The following PPA2 variants were observed in gnomAD, a reference collection of about 807,000 sequenced individuals.
PPA2 encodes the protein inorganic pyrophosphatase 2.
PPA2 carries 48 observed loss-of-function variants against 49.5 expected under a neutral mutation model. The ratio of observed to expected loss-of-function variants is 0.97; its 90% CI spans 0.77 to 1.23. The LOEUF (loss-of-function observed/expected upper bound fraction) is 1.23. Ranked by LOEUF, PPA2 falls within the 50% of genes most tolerant of loss-of-function variation. The pLI is 0.00. For synonymous variants in PPA2, 131 were observed against 139.9 expected (o/e 0.94, Z 0.45); for missense variants, 429 against 410.1 (o/e 1.05, Z -0.40).
chr4:105,394,373 C>CAAAAAAAAAAAAAAAAAAAA (rs34736301), intron 9 of PPA2, among the ~76,000 whole-genome samples: 2 of 96,906 alleles, frequency 2.1e-5, no homozygotes, highest in African/African-American at 4.1e-5. Context: ...GATTCCATTT[C>CAAAAAAAAAAAAAAAAAAAA]AAAAAAAAAA....
At chr4:105,396,427 G>A in intron 8 of PPA2, 93 bp from the exon 9 acceptor site, 1 of 851,444 alleles carries the variant, frequency 1.2e-6, no homozygotes, top group South Asian at 2.2e-5. Context: ...ACAGTTAATT[G>A]TTAAGAGCAT....
chr4:105,448,049 A>G lies in PPA2; in HGVS notation c.321+1301T>C, dbSNP rs550938876. 1.4e-3 allele frequency: 563 copies of G among 397,832 alleles called. 14 individuals are homozygous for G. The highest frequency in any genetic ancestry group is 0.01 in the South Asian group (536 of 53,234). The allele number at this position is 397,832 out of a possible 1,614,324, so 24.6% of individuals were successfully genotyped here. A position where few individuals can be genotyped will look rare whatever the true frequency, so the allele number is the denominator to read the frequency against. On this transcript the variant is annotated intron_variant, in intron 4 of 11. Transcript: ENST00000341695. ...GTGTTAGCCACTGCACTCGGCCTCA[A>G]AGTTAGTTTTCTATCATGTATATTC...
intron 1 of PPA2, among the ~76,000 whole-genome samples, chr4:105,468,327 T>C (rs1377587597): frequency 6.6e-6 from 1 of 152,020 alleles, no homozygotes; most frequent in Non-Finnish European, 1.5e-5. Flanking sequence ...AGTTCGGAAA[T>C]ATGACAAAGG....
chr4:105,469,366 TTCTC>T (rs2110334309), intron 1 of PPA2, among the ~76,000 whole-genome samples: 1 of 152,338 alleles, frequency 6.6e-6, no homozygotes, highest in African/African-American at 2.4e-5. Context: ...ATGTGATTCT[TTCTC>T]TCACAAGAGC....
At chr4:105,449,945 C>G (rs1325124274) in intron 3 of PPA2, among the ~76,000 whole-genome samples, 1 of 152,140 alleles carries the variant, frequency 6.6e-6, no homozygotes, top group African/African-American at 2.4e-5. Flanking sequence ...ACAGCTATTA[C>G]AGAGTTCACA....
At chr4:105,447,792 G>C (rs1722468589) in intron 4 of PPA2, among the ~76,000 whole-genome samples, 1 of 149,494 alleles carries the variant, frequency 6.7e-6, no homozygotes, top group Non-Finnish European at 1.5e-5. Flanking sequence ...GGAGTGCAGT[G>C]GTGTGATCTC....
At chr4:105,405,775 A>G in intron 7 of PPA2, 1 of 567,454 alleles carries the variant, frequency 1.8e-6, no homozygotes, top group Non-Finnish European at 3.0e-6. Context: ...CAAGATAAGT[A>G]ACTTTGTAGA....
intron 1 of PPA2, among the ~76,000 whole-genome samples, chr4:105,461,884 CT>C (rs1207779026): frequency 2.0e-5 from 3 of 152,200 alleles, no homozygotes; most frequent in Non-Finnish European, 4.4e-5. Flanking sequence ...TCATCATCAC[CT>C]AGTAAGTTTA....
chr4:105,381,395 T>C (rs1210332645), intron 10 of PPA2, among the ~76,000 whole-genome samples: 1 of 152,054 alleles, frequency 6.6e-6, no homozygotes, highest in African/African-American at 2.4e-5. Context: ...AATTTATTAA[T>C]CCTTTCTAGG....
At chr4:105,417,303 G>A (rs1308922997) in intron 7 of PPA2, among the ~76,000 whole-genome samples, 1 of 151,918 alleles carries the variant, frequency 6.6e-6, no homozygotes, top group East Asian at 1.9e-4. Flanking sequence ...GATAATTTAG[G>A]TCTTTTTACT....
At chr4:105,395,584 T>C (rs1734106731) in intron 9 of PPA2, among the ~76,000 whole-genome samples, 3 of 152,174 alleles carry the variant, frequency 2.0e-5, no homozygotes, top group South Asian at 4.1e-4. Context: ...TAAACAATAC[T>C]GAGGCCCTAA....
At chr4:105,409,830 G>A (rs1722668651) in intron 7 of PPA2, among the ~76,000 whole-genome samples, 1 of 152,226 alleles carries the variant, frequency 6.6e-6, no homozygotes, top group Non-Finnish European at 1.5e-5. Flanking sequence ...GGGCCTGTTA[G>A]AAGGAAAACT....
chr4:105,422,553 T>C (rs1723299394), intron 7 of PPA2, among the ~76,000 whole-genome samples: 1 of 151,920 alleles, frequency 6.6e-6, no homozygotes, highest in South Asian at 2.1e-4. Context: ...GTTACAAATA[T>C]ATAAATTACT....
chr4:105,429,747 G>A (rs1723710482), intron 6 of PPA2, among the ~76,000 whole-genome samples: 1 of 152,050 alleles, frequency 6.6e-6, no homozygotes, highest in South Asian at 2.1e-4. Flanking sequence ...CTGCTTGAGG[G>A]GAAAAGAGAC....
chr4:105,404,646 G>A (rs1722377192), intron 7 of PPA2, among the ~76,000 whole-genome samples: 1 of 152,138 alleles, frequency 6.6e-6, no homozygotes, highest in Non-Finnish European at 1.5e-5. Context: ...TAAATAATGG[G>A]TGAAAATCAC....
rs181747127 is a variant in PPA2, at chr4:105,470,787, G to A, written c.157+3107C>T. 1.3e-3 allele frequency among the ~76,000 whole-genome samples: 202 copies of A among 152,260 alleles called. 1 individual carries two copies. The highest frequency in any genetic ancestry group is 2.3e-3 in the Non-Finnish European group (159 of 68,022). ...CTAGTGCTATCCCCATTTTATTTAC[G>A]GAGAAACTGAGCTACCGGATGTCAT... On this transcript the variant is annotated intron_variant, in intron 1 of 11. Coordinates refer to ENST00000341695, the MANE Select transcript of PPA2 (RefSeq NM_176869.3).
At chr4:105,416,495 T>A (rs998984785) in intron 7 of PPA2, among the ~76,000 whole-genome samples, 1 of 152,200 alleles carries the variant, frequency 6.6e-6, no homozygotes, top group African/African-American at 2.4e-5. Context: ...AACACTCTCA[T>A]CCCAGTACTA....
intron 10 of PPA2, among the ~76,000 whole-genome samples, chr4:105,375,581 A>T (rs1032331228): frequency 6.6e-6 from 1 of 152,132 alleles, no homozygotes; most frequent in Non-Finnish European, 1.5e-5. Context: ...GCGTGCCCAT[A>T]GAGGGAAGTA....
chr4:105,409,450 C>T (rs1266208550), intron 7 of PPA2, among the ~76,000 whole-genome samples: 1 of 152,198 alleles, frequency 6.6e-6, no homozygotes, highest in African/African-American at 2.4e-5. Flanking sequence ...CAGCCTCCAC[C>T]TCTGTGGGCA....
Sources: allele counts gnomAD v4.1 joint callset (sites outside exome capture counted in the v4.1 genomes callset), GRCh38; gene constraint gnomAD v4.1.1; transcripts MANE v1.5; gene names NCBI Gene and HGNC (gene_info 2026-07-23, HGNC 2026-07-21).